ATP2C2: variants seen among roughly 807,000 people sequenced by gnomAD.
ATP2C2 encodes calcium-transporting ATPase type 2C member 2.
Under a neutral mutation model 110.8 loss-of-function variants are expected in ATP2C2, and 171 were observed. That is an observed-to-expected ratio of 1.54 (90% confidence interval 1.36 to 1.75). The LOEUF (loss-of-function observed/expected upper bound fraction) is 1.75, where lower values mean the gene tolerates loss of function less well. Among genes scored for constraint, ATP2C2 ranks in the 40% most tolerant of loss-of-function variants. The pLI is 0.00. For missense variants in ATP2C2, 1,963 were observed against 1,235.0 expected (o/e 1.59, Z -8.84); for synonymous variants, 804 against 508.4 (o/e 1.58, Z -7.82).
chr16:84,417,767 AT>A (rs1906969415), intron 7 of ATP2C2, among the ~76,000 whole-genome samples: 2 of 152,330 alleles, frequency 1.3e-5, no homozygotes, highest in Non-Finnish European at 2.9e-5. Context: ...CACGAAGGTT[AT>A]TTTAAGGCTA....
intron 2 of ATP2C2, among the ~76,000 whole-genome samples, chr16:84,399,776 C>T (rs761030385): frequency 1.3e-5 from 2 of 152,184 alleles, no homozygotes; most frequent in Admixed American, 1.3e-4. Flanking sequence ...CATCCACTTA[C>T]ACTCTTTGAG....
In ATP2C2 at chr16:84,392,071, G is replaced by C. The variant is rs138504220; in HGVS notation, c.100-6428G>C. ...TTTATACTATTTAATTTTGTATTTT[G>C]TATTGGAGAATTCCAATCATATGCA... On this transcript the variant is annotated intron_variant, in intron 1 of 26. Transcript: ENST00000262429. Among the ~76,000 whole-genome samples the C allele has an allele frequency of 4.3e-3, 643 of 150,674 alleles. 3 individuals carry two copies. Among genetic ancestry groups the C allele is most frequent in the African/African-American group, 0.015 (615 of 40,950 alleles).
chr16:84,430,642 A>C (rs1322837851), intron 11 of ATP2C2, among the ~76,000 whole-genome samples: 1 of 62,126 alleles, frequency 1.6e-5, no homozygotes, highest in African/African-American at 5.3e-5. Flanking sequence ...ACCATCTCAA[A>C]AAAAAAAAAA....
At chr16:84,383,610 C>T (rs1438049833) in intron 1 of ATP2C2, among the ~76,000 whole-genome samples, 1 of 152,176 alleles carries the variant, frequency 6.6e-6, no homozygotes, top group Non-Finnish European at 1.5e-5. Flanking sequence ...CACTATAGCA[C>T]ATCCTTCCTC....
intron 11 of ATP2C2, among the ~76,000 whole-genome samples, chr16:84,429,302 C>T (rs111766547): frequency 1.3e-5 from 2 of 152,128 alleles, no homozygotes; most frequent in Admixed American, 1.3e-4. Flanking sequence ...TAGGGGCGCA[C>T]CACCACACCC....
rs150874666 is a variant in ATP2C2, at chr16:84,410,967, T to A, written c.515+202T>A. On this transcript the variant is annotated intron_variant, in intron 6 of 26. Transcript: ENST00000262429. ...GCATGTCACTCAACCTCTCTGGGCC[T>A]CAGCTCCATCATCAGTGTCTAAATC... The A allele has an allele frequency of 3.0e-3, 1,771 of 600,072 alleles. 17 individuals carry two copies. The highest frequency in any genetic ancestry group is 0.024 in the African/African-American group (1,321 of 54,120). 37.2% of individuals were successfully genotyped at this position (600,072 alleles called of 1,614,324 possible).
chr16:84,453,508 C>T (rs1467933911), intron 20 of ATP2C2, 137 bp downstream of exon 20: 24 of 1,197,046 alleles, frequency 2.0e-5, no homozygotes, highest in East Asian at 7.1e-5. Context: ...AGGGCAGCTG[C>T]CCCGGGAGTT....
rs757331183 is a variant in ATP2C2, at chr16:84,422,708, G to A, written c.843+11G>A. Reference sequence around the variant, plus strand: ...ATGCAGGCTGAAGAGGTAAGGGGCAGGAGGGGGCTTCGGGACTTTTGTAAG... The same window carrying A: ...ATGCAGGCTGAAGAGGTAAGGGGCAAGAGGGGGCTTCGGGACTTTTGTAAG... On this transcript the variant is annotated intron_variant, in intron 9 of 26. Transcript: ENST00000262429. 1 of 1,600,532 alleles carries A rather than the reference G, an allele frequency of 6.2e-7. No individual in the cohort carries two copies. The highest frequency in any genetic ancestry group is 1.1e-5 in the South Asian group (1 of 89,710).
chr16:84,397,691 G>C (rs943666723), intron 1 of ATP2C2, among the ~76,000 whole-genome samples: 1 of 90,076 alleles, frequency 1.1e-5, no homozygotes, highest in South Asian at 4.4e-4. Flanking sequence ...AAAAATAGAT[G>C]CATCAGTATT....
intron 7 of ATP2C2, among the ~76,000 whole-genome samples, chr16:84,419,268 C>T (rs1034406895): frequency 2.7e-5 from 4 of 146,582 alleles, no homozygotes; most frequent in Middle Eastern, 7.0e-3. Flanking sequence ...CCTGCAGAGG[C>T]TCCAGGGGAG....
At chr16:84,415,424 A>C in intron 6 of ATP2C2, 59 bp from the exon 7 acceptor site, 2 of 1,348,374 alleles carry the variant, frequency 1.5e-6, no homozygotes, top group Admixed American at 1.7e-5. Context: ...AAATGTATCA[A>C]GGTGCATAAA....
chr16:84,444,074 G>A (rs247895), intron 15 of ATP2C2, among the ~76,000 whole-genome samples: 46,478 of 149,102 alleles, frequency 0.31, 7,352 homozygotes, highest in East Asian at 0.39. Context: ...GGCTGAGGCA[G>A]GAGGATCCCT....
rs570361544 is a variant in ATP2C2 at position 84,409,634 on chromosome 16, A to G, written c.418-934A>G. On this transcript the variant is annotated intron_variant, in intron 4 of 26. Coordinates refer to ENST00000262429, the MANE Select transcript of ATP2C2 (RefSeq NM_014861.4). ...CAGCCTTCTGAGCAGCTGGGATTACAGGTGCCCGCCACCACTCCTGGTTAA... is the reference window on the plus strand; with the variant it reads ...CAGCCTTCTGAGCAGCTGGGATTACGGGTGCCCGCCACCACTCCTGGTTAA... 9.9e-5 allele frequency among the ~76,000 whole-genome samples: 15 copies of G among 152,224 alleles called. No homozygotes were observed. In the East Asian group the frequency reaches 2.9e-3, roughly 30 times the overall value.
At chr16:84,425,448 C>T (rs1322067629) in intron 10 of ATP2C2, among the ~76,000 whole-genome samples, 2 of 152,158 alleles carry the variant, frequency 1.3e-5, no homozygotes, top group Non-Finnish European at 2.9e-5. Flanking sequence ...CGACGGTAAA[C>T]TTTGGGAATA....
chr16:84,379,850 C>A (rs546651770), intron 1 of ATP2C2, among the ~76,000 whole-genome samples: 1 of 152,128 alleles, frequency 6.6e-6, no homozygotes, highest in Non-Finnish European at 1.5e-5. Context: ...TAATTACACA[C>A]TGAGATAAAC....
At chr16:84,454,747 A>G in intron 20 of ATP2C2, 71 bp from the exon 21 acceptor site, 1 of 1,454,078 alleles carries the variant, frequency 6.9e-7, no homozygotes, top group Non-Finnish European at 9.1e-7. Context: ...GGCTGGCCAC[A>G]GGGTGTGCAT....
intron 6 of ATP2C2, among the ~76,000 whole-genome samples, chr16:84,413,098 CAAAAA>C (rs35993245): frequency 2.3e-5 from 3 of 129,978 alleles, no homozygotes; most frequent in African/African-American, 3.0e-5. Context: ...AACTCTGTCT[CAAAAA>C]AAAAAAAAAA....
At chr16:84,390,670 G>A (rs573504527) in intron 1 of ATP2C2, among the ~76,000 whole-genome samples, 5 of 152,174 alleles carry the variant, frequency 3.3e-5, no homozygotes, top group Non-Finnish European at 7.3e-5. Context: ...ATTTTCCTCT[G>A]GCGGGCGGTG....
intron 1 of ATP2C2, among the ~76,000 whole-genome samples, chr16:84,385,252 C>G (rs1904303555): frequency 6.6e-6 from 1 of 152,028 alleles, no homozygotes; most frequent in African/African-American, 2.4e-5. Flanking sequence ...AGAGAGAGAG[C>G]AGGGGACGGT....
Sources: gnomAD v4.1 joint callset for allele counts (sites outside exome capture counted in the v4.1 genomes callset) on GRCh38, gnomAD v4.1.1 for gene constraint, MANE v1.5 for transcripts, NCBI Gene and HGNC (gene_info 2026-07-23, HGNC 2026-07-21) for gene names.